EPHA4: variants seen among roughly 807,000 people sequenced by gnomAD.
The protein encoded by EPHA4 is EPH receptor A4.
Under a neutral mutation model 108.3 loss-of-function variants are expected in EPHA4, and 19 were observed. That is an observed-to-expected ratio of 0.18 (90% CI 0.12 to 0.26). The LOEUF (loss-of-function observed/expected upper bound fraction) is 0.26, where lower values mean the gene tolerates loss of function less well. Ranked by LOEUF, EPHA4 falls within the 10% of genes least tolerant of loss-of-function variation. The probability of loss-of-function intolerance (pLI) is 1.00; values close to 1 mark genes in which losing one functional copy is unlikely to be tolerated. For synonymous variants in EPHA4, 449 were observed against 455.5 expected, an observed-to-expected ratio of 0.99 and a Z score of 0.18; for missense variants, 917 against 1,254.0, an observed-to-expected ratio of 0.73 and a Z score of 4.06.
chr2:221,499,743 TATATATATA>T lies in EPHA4; in HGVS notation c.979+1265_979+1273del, dbSNP rs1334147756. 4.2e-3 allele frequency among the ~76,000 whole-genome samples: 253 copies of T among 60,656 alleles called. 2 individuals carry two copies. The highest frequency in any genetic ancestry group is 5.8e-3 in the Non-Finnish European group (195 of 33,720). 39.8% of individuals were successfully genotyped at this position (60,656 alleles called of 152,430 possible). On this transcript the variant is annotated intron_variant, in intron 4 of 17. Coordinates refer to ENST00000281821, the MANE Select transcript of EPHA4 (RefSeq NM_004438.5). ...ATATATATATATATATATATATATATATATATATATATATTTTTTTTTTTTTTTTTTGAG... is the reference window on the plus strand; with the variant it reads ...ATATATATATATATATATATATATATTATATTTTTTTTTTTTTTTTTTGAG...
rs571963678 is a variant in EPHA4 at position 221,466,962 on chromosome 2, C to T, written c.1319-8972G>A. On this transcript the variant is annotated intron_variant, in intron 5 of 17. Transcript: ENST00000281821. ...ACAGCAGTAGCGGCAGCAGCAACAA[C>T]GTAAATCTTTCTAAAGTCTGCTCTG... is the stretch of plus-strand genomic sequence containing the variant. Among the ~76,000 whole-genome samples the T allele has an allele frequency of 7.2e-5, 11 of 152,188 alleles. No individual in the cohort carries two copies. The South Asian group carries it at 8.3e-4, about 11-fold the overall frequency.
At chr2:221,561,099 A>G (rs7560002) in intron 3 of EPHA4, among the ~76,000 whole-genome samples, 97,846 of 151,358 alleles carry the variant, frequency 0.65, 33,509 homozygotes, top group African/African-American at 0.9. Context: ...AAAATTAGCC[A>G]GGCGTGGTGG....
At chr2:221,473,477 G>T (rs1332887579) in intron 5 of EPHA4, among the ~76,000 whole-genome samples, 2 of 142,590 alleles carry the variant, frequency 1.4e-5, no homozygotes, top group African/African-American at 5.2e-5. Context: ...ATTTCAATTA[G>T]TCCCTGTAGA....
chr2:221,545,175 C>T (rs571593116), intron 3 of EPHA4, among the ~76,000 whole-genome samples: 4 of 152,140 alleles, frequency 2.6e-5, no homozygotes, highest in African/African-American at 7.2e-5. Context: ...TGGCCGGGCG[C>T]GGTGGCTCAC....
rs8508 is a variant in EPHA4 at position 221,418,239 on chromosome 2, G to T, written c.*3133C>A. On this transcript the variant is annotated 3_prime_UTR_variant, in exon 18 of 18. Transcript: ENST00000281821. ...TGTCTAACTCCAGAAATCACTCAAA[G>T]TTTGGAACGTGTGAACCGAACAATG... 0.46 allele frequency: 70,191 copies of T among 152,436 alleles called. 16,822 individuals are homozygous for T. Among genetic ancestry groups the T allele is most frequent in the African/African-American group, 0.59 (24,370 of 41,450 alleles). 9.4% of individuals were successfully genotyped at this position (152,436 alleles called of 1,614,324 possible).
intron 9 of EPHA4, among the ~76,000 whole-genome samples, chr2:221,445,039 TAAGCCA>T (rs1690550557): frequency 6.6e-6 from 1 of 152,180 alleles, no homozygotes; most frequent in African/African-American, 2.4e-5. Flanking sequence ...ATTACAGGCA[TAAGCCA>T]CTGTGCCCGG....
At chr2:221,567,325 G>A (rs529094748) in intron 2 of EPHA4, among the ~76,000 whole-genome samples, 11 of 152,080 alleles carry the variant, frequency 7.2e-5, no homozygotes, top group East Asian at 1.9e-4. Context: ...GGAAAGCCTC[G>A]CCTGAATCAG....
At chr2:221,538,455 A>C (rs1693734085) in intron 3 of EPHA4, among the ~76,000 whole-genome samples, 1 of 152,260 alleles carries the variant, frequency 6.6e-6, no homozygotes, top group Non-Finnish European at 1.5e-5. Context: ...ATTAATTGCT[A>C]GAGTTTTATT....
At chr2:221,474,562 C>T (rs528748276) in intron 5 of EPHA4, among the ~76,000 whole-genome samples, 12 of 152,198 alleles carry the variant, frequency 7.9e-5, no homozygotes, top group African/African-American at 2.9e-4. Context: ...TCATTGTGTG[C>T]TTGCTTGGGC....
chr2:221,493,913 T>G (rs1382385960), intron 4 of EPHA4, among the ~76,000 whole-genome samples: 3 of 152,212 alleles, frequency 2.0e-5, no homozygotes, highest in African/African-American at 7.2e-5. Context: ...GTATAAAATG[T>G]CTTGAAAGCT....
At chr2:221,484,502 T>C (rs1036387563) in intron 4 of EPHA4, among the ~76,000 whole-genome samples, 6 of 152,172 alleles carry the variant, frequency 3.9e-5, no homozygotes, top group African/African-American at 1.2e-4. Context: ...TATTGTAAAA[T>C]TTGTATTAAA....
At chr2:221,541,050 G>C (rs1056003406) in intron 3 of EPHA4, among the ~76,000 whole-genome samples, 1 of 150,826 alleles carries the variant, frequency 6.6e-6, no homozygotes, top group South Asian at 2.1e-4. Context: ...GGGTTCAGGT[G>C]AGCCTCCCGC....
intron 3 of EPHA4, among the ~76,000 whole-genome samples, chr2:221,544,672 G>A (rs1422518044): frequency 3.3e-5 from 5 of 152,090 alleles, no homozygotes; most frequent in Non-Finnish European, 5.9e-5. Context: ...CATGAATGTG[G>A]GGGGAATGAA....
intron 5 of EPHA4, among the ~76,000 whole-genome samples, chr2:221,465,173 C>T (rs1318240504): frequency 1.3e-5 from 2 of 152,096 alleles, no homozygotes; most frequent in African/African-American, 4.8e-5. Context: ...ACAATTGACT[C>T]ATGCTGCCAA....
upstream of EPHA4, chr2:221,573,709 T>C (rs1694920390): frequency 6.6e-6 from 1 of 151,940 alleles, no homozygotes; most frequent in Non-Finnish European, 1.5e-5. The surrounding 1 kb of genome is among the most constrained non-coding windows in gnomAD (Gnocchi z 4.5). Flanking sequence ...GCCGGCCAGA[T>C]GCGGGAGTGT....
intron 17 of EPHA4, among the ~76,000 whole-genome samples, 171 bp downstream of exon 17, chr2:221,425,038 T>G (rs1205517043): frequency 1.3e-5 from 2 of 150,238 alleles, no homozygotes; most frequent in African/African-American, 5.0e-5. Context: ...CACACTGTGT[T>G]TGGTCTCCTC....
chr2:221,440,482 AAGGCC>A (rs1343429844), intron 11 of EPHA4, among the ~76,000 whole-genome samples: 1 of 152,234 alleles, frequency 6.6e-6, no homozygotes, highest in Non-Finnish European at 1.5e-5. Context: ...GGCGGCCCTG[AAGGCC>A]ACAGGCAACA....
chr2:221,446,236 A>G lies in EPHA4; in HGVS notation c.1716-55T>C, dbSNP rs550735829. On this transcript the variant is annotated intron_variant, in intron 8 of 17. Transcript: ENST00000281821. ...ATTTTCCTCAAACACCTAAGCTTTAACACATGCCATAAGACAAATTCTTTG... is the reference window on the plus strand; with the variant it reads ...ATTTTCCTCAAACACCTAAGCTTTAGCACATGCCATAAGACAAATTCTTTG... The G allele has an allele frequency of 1.9e-3, 2,066 of 1,113,974 alleles. 5 individuals are homozygous for G. Among genetic ancestry groups the G allele is most frequent in the Admixed American group, 2.6e-3 (97 of 38,016 alleles). 69.0% of individuals were successfully genotyped at this position (1,113,974 alleles called of 1,614,324 possible). A position where few individuals can be genotyped will look rare whatever the true frequency, so the allele number is the denominator to read the frequency against.
intron 3 of EPHA4, among the ~76,000 whole-genome samples, chr2:221,540,472 T>A (rs957129604): frequency 4.6e-5 from 7 of 151,742 alleles, no homozygotes; most frequent in African/African-American, 1.7e-4. Context: ...GATCAACTCA[T>A]TTTTTCCCCT....
Sources: gnomAD v4.1 joint callset for allele counts (sites outside exome capture counted in the v4.1 genomes callset) on GRCh38, gnomAD v4.1.1 for gene constraint, Gnocchi (gnomAD v3.1) non-coding constraint, MANE v1.5 for transcripts, NCBI Gene and HGNC (gene_info 2026-07-23, HGNC 2026-07-21) for gene names.